Variants in KCNIP4 observed in about 807,000 individuals in gnomAD.
The protein encoded by KCNIP4 is Kv channel-interacting protein 4.
A neutral mutation model predicts 34.0 loss-of-function variants in KCNIP4; 12 were observed. That is an observed-to-expected ratio of 0.35 (90% CI 0.23 to 0.57). The LOEUF (loss-of-function observed/expected upper bound fraction) is 0.57. Ranked by LOEUF, KCNIP4 falls within the 20% of genes least tolerant of loss-of-function variation. KCNIP4 has a pLI of 0.83. For synonymous variants in KCNIP4, 124 were observed against 102.2 expected, an observed-to-expected ratio of 1.21 and a Z score of -1.29; for missense variants, 238 against 311.7, an observed-to-expected ratio of 0.76 and a Z score of 1.78.
At chr4:21,927,824 A>G (rs1326754370) in intron 1 of KCNIP4, among the ~76,000 whole-genome samples, 1 of 152,060 alleles carries the variant, frequency 6.6e-6, no homozygotes, top group Non-Finnish European at 1.5e-5. Flanking sequence ...TCCATTATCC[A>G]CATGCTCTGA....
chr4:20,999,402 T>G (rs1737858650), intron 1 of KCNIP4, among the ~76,000 whole-genome samples: 1 of 147,210 alleles, frequency 6.8e-6, no homozygotes, highest in Admixed American at 6.9e-5. Context: ...AGAGGGTTTT[T>G]GTTGTGGTGG....
chr4:20,743,452 C>T (rs943648357), intron 5 of KCNIP4, among the ~76,000 whole-genome samples: 21 of 152,176 alleles, frequency 1.4e-4, no homozygotes, highest in African/African-American at 4.8e-4. Context: ...ACAGAGCCCT[C>T]GGAAATAATA....
chr4:21,636,081 T>G (rs951950452), intron 1 of KCNIP4, among the ~76,000 whole-genome samples: 4 of 138,350 alleles, frequency 2.9e-5, no homozygotes, highest in African/African-American at 5.5e-5. Context: ...TAGGTGGGAA[T>G]TGAACAATGA....
At chr4:21,403,923 C>T (rs1436288122) in intron 1 of KCNIP4, among the ~76,000 whole-genome samples, 1 of 152,198 alleles carries the variant, frequency 6.6e-6, no homozygotes, top group African/African-American at 2.4e-5. Flanking sequence ...GTGGAGAACT[C>T]ATGACTTAAT....
intron 2 of KCNIP4, among the ~76,000 whole-genome samples, chr4:20,860,362 T>A (rs1047021928): frequency 7.9e-5 from 12 of 152,168 alleles, no homozygotes; most frequent in African/African-American, 2.7e-4. Context: ...GGTCTCAAAC[T>A]CTTAACCTCA....
intron 1 of KCNIP4, among the ~76,000 whole-genome samples, chr4:21,018,768 G>A (rs537623034): frequency 2.3e-4 from 35 of 152,116 alleles, no homozygotes; most frequent in South Asian, 4.1e-4. Flanking sequence ...TATATATAGC[G>A]CTGACATGCT....
At chr4:20,791,459 G>T (rs757874698) in intron 3 of KCNIP4, among the ~76,000 whole-genome samples, 2 of 152,040 alleles carry the variant, frequency 1.3e-5, no homozygotes, top group East Asian at 1.9e-4. Context: ...AAATAATGAT[G>T]ATTTGAGTTT....
At chr4:21,086,288 T>C (rs1247300033) in intron 1 of KCNIP4, among the ~76,000 whole-genome samples, 1 of 152,206 alleles carries the variant, frequency 6.6e-6, no homozygotes, top group Non-Finnish European at 1.5e-5. Context: ...TTACTTTCAC[T>C]GCACTCTAGT....
At chr4:21,501,276 G>GCACACACACA (rs1180238316) in intron 1 of KCNIP4, among the ~76,000 whole-genome samples, 7 of 121,388 alleles carry the variant, frequency 5.8e-5, no homozygotes, top group South Asian at 2.6e-4. Flanking sequence ...ACACACACAT[G>GCACACACACA]CCATGTCCTA....
chr4:21,807,050 C>T lies in KCNIP4; in HGVS notation c.61+141521G>A, dbSNP rs578195744. On this transcript the variant is annotated intron_variant, in intron 1 of 8. Coordinates refer to ENST00000382152, the MANE Select transcript of KCNIP4 (RefSeq NM_025221.6). ...GGTCCCACCTTGAGGTGATGAGAGACAGTGACAGATCATCAGGCATTAGAT... is the reference window on the plus strand; with the variant it reads ...GGTCCCACCTTGAGGTGATGAGAGATAGTGACAGATCATCAGGCATTAGAT... Among the ~76,000 whole-genome samples the T allele has an allele frequency of 9.2e-5, 14 of 152,126 alleles. No individual in the cohort carries two copies. The South Asian group carries it at 2.7e-3, about 29-fold the overall frequency.
intron 1 of KCNIP4, among the ~76,000 whole-genome samples, chr4:21,429,600 C>G (rs956219881): frequency 6.6e-6 from 1 of 152,162 alleles, no homozygotes; most frequent in Non-Finnish European, 1.5e-5. Flanking sequence ...GCCTTCCCAA[C>G]AACAGTGAAT....
chr4:21,228,756 C>T (rs149591555), intron 1 of KCNIP4, among the ~76,000 whole-genome samples: 1 of 152,158 alleles, frequency 6.6e-6, no homozygotes, highest in South Asian at 2.1e-4. Flanking sequence ...CTCCTCCCTT[C>T]CATATAACAC....
chr4:21,751,348 A>T (rs920484652), intron 1 of KCNIP4, among the ~76,000 whole-genome samples: 4 of 152,154 alleles, frequency 2.6e-5, no homozygotes, highest in Non-Finnish European at 5.9e-5. Context: ...CTGAATCTTA[A>T]ATTGCATTAA....
chr4:21,615,906 G>A (rs147312477), intron 1 of KCNIP4, among the ~76,000 whole-genome samples: 335 of 152,242 alleles, frequency 2.2e-3, no homozygotes, highest in African/African-American at 7.3e-3. Flanking sequence ...CTTGTCTCTT[G>A]CCTGAATTGT....
At chr4:21,878,594 T>C (rs1395560571) in intron 1 of KCNIP4, among the ~76,000 whole-genome samples, 1 of 152,222 alleles carries the variant, frequency 6.6e-6, no homozygotes, top group Non-Finnish European at 1.5e-5. Flanking sequence ...ATACCCAAGA[T>C]GACAATGAGC....
intron 1 of KCNIP4, among the ~76,000 whole-genome samples, chr4:21,357,772 G>A (rs1241176577): frequency 6.6e-6 from 1 of 152,094 alleles, no homozygotes; most frequent in African/African-American, 2.4e-5. Context: ...GATTCCTCAA[G>A]GATAAAGAAC....
rs565694713 is a variant in KCNIP4 at position 21,202,839 on chromosome 4, G to A, written c.62-320130C>T. 1.1e-4 allele frequency among the ~76,000 whole-genome samples: 16 copies of A among 152,266 alleles called. No individual in the cohort carries two copies. In the South Asian group the frequency reaches 3.3e-3, roughly 32 times the overall value. ...TCACTCAATAGAAAACAAAGAGACA[G>A]AATCTACAAGGGCTACTAGGCCCAC... On this transcript the variant is annotated intron_variant, in intron 1 of 8. Transcript: ENST00000382152.
intron 1 of KCNIP4, among the ~76,000 whole-genome samples, chr4:20,919,528 C>A (rs1480066327): frequency 6.6e-6 from 1 of 151,496 alleles, no homozygotes; most frequent in Non-Finnish European, 1.5e-5. Context: ...ATGGTGAAAC[C>A]CCATCTCTAC....
At chr4:21,509,708 T>A (rs1424388504) in intron 1 of KCNIP4, among the ~76,000 whole-genome samples, 1 of 152,208 alleles carries the variant, frequency 6.6e-6, no homozygotes, top group Admixed American at 6.5e-5. Context: ...GTTGGACTTT[T>A]GTTTTTGAGT....
Sources: gnomAD v4.1 joint callset for allele counts (sites outside exome capture counted in the v4.1 genomes callset) on GRCh38, gnomAD v4.1.1 for gene constraint, MANE v1.5 for transcripts, NCBI Gene and HGNC (gene_info 2026-07-23, HGNC 2026-07-21) for gene names.